The following SCMH1 variants were observed in gnomAD, a reference collection of about 807,000 sequenced individuals.
SCMH1 encodes the protein Scm polycomb group protein homolog 1, also known as polycomb protein SCMH1.
A neutral mutation model predicts 70.8 loss-of-function variants in SCMH1; 37 were observed. The ratio of observed to expected loss-of-function variants is 0.52; its 90% CI spans 0.40 to 0.69. The LOEUF (loss-of-function observed/expected upper bound fraction) is 0.69. Among genes scored for constraint, SCMH1 ranks in the 30% least tolerant of loss-of-function variants. The probability of loss-of-function intolerance (pLI) is 0.00; values close to 1 mark genes in which losing one functional copy is unlikely to be tolerated. For missense variants in SCMH1, 607 were observed against 827.3 expected (o/e 0.73, Z 3.27); for synonymous variants, 292 against 307.4 (o/e 0.95, Z 0.52).
At chr1:41,159,252 T>C (rs1433931682) in intron 4 of SCMH1, among the ~76,000 whole-genome samples, 1 of 152,184 alleles carries the variant, frequency 6.6e-6, no homozygotes, top group Non-Finnish European at 1.5e-5. Context: ...CTAGGAAAAA[T>C]ACACTTTCAA....
At chr1:41,126,785 A>G (rs1179452727) in intron 6 of SCMH1, among the ~76,000 whole-genome samples, 1 of 152,196 alleles carries the variant, frequency 6.6e-6, no homozygotes, top group East Asian at 1.9e-4. Flanking sequence ...AATGTACTAT[A>G]TAACATTCAA....
At chr1:41,139,094 G>A (rs1376965156) in intron 6 of SCMH1, among the ~76,000 whole-genome samples, 1 of 151,808 alleles carries the variant, frequency 6.6e-6, no homozygotes, top group Non-Finnish European at 1.5e-5. Flanking sequence ...TCCCTTCAAC[G>A]TTAAGTCTCC....
intron 6 of SCMH1, among the ~76,000 whole-genome samples, chr1:41,118,898 A>G (rs1296292285): frequency 6.6e-6 from 1 of 152,248 alleles, no homozygotes; most frequent in Non-Finnish European, 1.5e-5. Flanking sequence ...TGGAAATAAC[A>G]GCAGCAGCAG....
At chr1:41,103,965 G>C (rs1455601507) in intron 8 of SCMH1, among the ~76,000 whole-genome samples, 1 of 152,030 alleles carries the variant, frequency 6.6e-6, no homozygotes, top group Non-Finnish European at 1.5e-5. Flanking sequence ...ATATAACCAA[G>C]AAAAAATCAG....
chr1:41,092,611 G>T (rs1368366545), intron 8 of SCMH1, among the ~76,000 whole-genome samples: 1 of 152,092 alleles, frequency 6.6e-6, no homozygotes, highest in Non-Finnish European at 1.5e-5. Context: ...GAAAATTTTT[G>T]CAATCTACCC....
At chr1:41,183,925 C>G (rs969209652) in intron 2 of SCMH1, among the ~76,000 whole-genome samples, 1 of 152,046 alleles carries the variant, frequency 6.6e-6, no homozygotes, top group Non-Finnish European at 1.5e-5. Context: ...TTCAGTCATG[C>G]TTTACCTAAG....
chr1:41,156,853 G>T (rs1645594109), intron 4 of SCMH1, among the ~76,000 whole-genome samples: 1 of 151,722 alleles, frequency 6.6e-6, no homozygotes, highest in Admixed American at 6.6e-5. Flanking sequence ...CTTCTTAGAG[G>T]CAGGGTTTCC....
At chr1:41,183,802 A>T (rs1043863705) in intron 2 of SCMH1, among the ~76,000 whole-genome samples, 1 of 152,236 alleles carries the variant, frequency 6.6e-6, no homozygotes, top group Non-Finnish European at 1.5e-5. Flanking sequence ...GTAAGATATC[A>T]ATTATTCATA....
At chr1:41,074,249 G>T (rs1657488774) in intron 9 of SCMH1, among the ~76,000 whole-genome samples, 1 of 152,110 alleles carries the variant, frequency 6.6e-6, no homozygotes, top group Admixed American at 6.5e-5. Flanking sequence ...GGGAAAGACT[G>T]AAAGAGTGAA....
At chr1:41,127,780 C>T (rs1365343521) in intron 6 of SCMH1, among the ~76,000 whole-genome samples, 2 of 152,036 alleles carry the variant, frequency 1.3e-5, no homozygotes, top group Non-Finnish European at 2.9e-5. Flanking sequence ...AGCTCTCTTC[C>T]TCCCTCCACT....
At chr1:41,039,318 G>C (rs1335918587) in intron 12 of SCMH1, among the ~76,000 whole-genome samples, 1 of 152,140 alleles carries the variant, frequency 6.6e-6, no homozygotes, top group Non-Finnish European at 1.5e-5. Context: ...CTGAGTTGAA[G>C]GGTCTGAAAA....
intron 7 of SCMH1, among the ~76,000 whole-genome samples, chr1:41,115,609 T>A (rs1670269938): frequency 6.6e-6 from 1 of 152,184 alleles, no homozygotes; most frequent in Admixed American, 6.5e-5. Flanking sequence ...AGCTAATTTT[T>A]AAATTTTTTC....
chr1:41,131,450 T>C (rs1674679627), intron 6 of SCMH1, among the ~76,000 whole-genome samples: 3 of 152,214 alleles, frequency 2.0e-5, no homozygotes, highest in Admixed American at 6.5e-5. Flanking sequence ...GGGACTGCAC[T>C]GCATCTATAG....
intron 5 of SCMH1, among the ~76,000 whole-genome samples, chr1:41,148,458 T>C (rs974257350): frequency 6.6e-6 from 1 of 152,186 alleles, no homozygotes; most frequent in Non-Finnish European, 1.5e-5. Flanking sequence ...CCTTCAGCTT[T>C]TGTAAATCTG....
At chr1:41,040,617 C>A (rs935182808) in intron 12 of SCMH1, among the ~76,000 whole-genome samples, 4 of 152,118 alleles carry the variant, frequency 2.6e-5, no homozygotes, top group Admixed American at 1.3e-4. Flanking sequence ...GTAATCCCAG[C>A]ACTTTGGGAG....
chr1:41,168,562 C>T (rs1031325776), intron 2 of SCMH1, among the ~76,000 whole-genome samples: 2 of 146,892 alleles, frequency 1.4e-5, no homozygotes, highest in Admixed American at 6.8e-5. Context: ...CAGTGAACAT[C>T]TTTATAACCA....
intron 9 of SCMH1, among the ~76,000 whole-genome samples, chr1:41,071,138 A>C (rs1206989768): frequency 1.3e-5 from 2 of 152,164 alleles, no homozygotes; most frequent in African/African-American, 4.8e-5. Context: ...CTAACTCTAC[A>C]AACAACTTTA....
intron 1 of SCMH1, among the ~76,000 whole-genome samples, chr1:41,219,997 T>C (rs1370606512): frequency 2.0e-5 from 3 of 152,172 alleles, no homozygotes; most frequent in African/African-American, 7.2e-5. Context: ...TTGACTTTCA[T>C]ATAACCACTC....
In SCMH1 at chr1:41,208,444, A is replaced by AT. The variant is rs1553178515; in HGVS notation, c.-117-22195_-117-22194insA. ...AGTATAAGAAAAAAATTAAAAAAAA[A>AT]AAATAAAAAATAAAAGTGACCACAT... On this transcript the variant is annotated intron_variant, in intron 1 of 14. Transcript: ENST00000337495. Among the ~76,000 whole-genome samples, 21 of 146,210 alleles carry AT rather than the reference A, an allele frequency of 1.4e-4. No homozygotes were observed. In the East Asian group the frequency reaches 1.9e-3, roughly 14 times the overall value.
Sources: gnomAD v4.1 joint callset for allele counts (sites outside exome capture counted in the v4.1 genomes callset) on GRCh38, gnomAD v4.1.1 for gene constraint, MANE v1.5 for transcripts, NCBI Gene and HGNC (gene_info 2026-07-23, HGNC 2026-07-21) for gene names.